The following CUX1 variants were observed in gnomAD, a reference collection of about 807,000 sequenced individuals.
The protein encoded by CUX1 is protein CASP.
CUX1 carries 31 observed loss-of-function variants against 158.8 expected under a neutral mutation model. The ratio of observed to expected loss-of-function variants is 0.20; its 90% confidence interval spans 0.15 to 0.26. The LOEUF (loss-of-function observed/expected upper bound fraction) is 0.26. Ranked by LOEUF, CUX1 falls within the 10% of genes least tolerant of loss-of-function variation. The pLI is 1.00. For synonymous variants in CUX1, 879 were observed against 862.1 expected, an observed-to-expected ratio of 1.02 and a Z score of -0.34; for missense variants, 1,589 against 2,014.6, an observed-to-expected ratio of 0.79 and a Z score of 4.04.
At chr7:101,997,880 C>T (rs79164193) in intron 2 of CUX1, among the ~76,000 whole-genome samples, 5,779 of 151,262 alleles carry the variant, frequency 0.038, 446 homozygotes, top group African/African-American at 0.14. Context: ...TGACCCTGGA[C>T]CCCACCCCAG....
chr7:102,041,869 A>G (rs569878633), intron 3 of CUX1, among the ~76,000 whole-genome samples: 1 of 151,978 alleles, frequency 6.6e-6, no homozygotes, highest in East Asian at 1.9e-4. Context: ...GGATTTTGCC[A>G]TGTTGGCCAG....
At chr7:102,134,553 C>T (rs1266513787) in intron 8 of CUX1, among the ~76,000 whole-genome samples, 3 of 152,100 alleles carry the variant, frequency 2.0e-5, no homozygotes, top group Non-Finnish European at 2.9e-5. Flanking sequence ...GTGTCTTGAC[C>T]GGATCCTCCT....
intron 4 of CUX1, among the ~76,000 whole-genome samples, chr7:102,085,654 A>G (rs781821963): frequency 1.3e-5 from 2 of 152,162 alleles, no homozygotes; most frequent in Non-Finnish European, 2.9e-5. Flanking sequence ...TTTACAAATT[A>G]CCCAGTCTAG....
intron 1 of CUX1, among the ~76,000 whole-genome samples, chr7:101,902,795 T>A (rs976742524): frequency 3.9e-5 from 6 of 152,176 alleles, no homozygotes; most frequent in Non-Finnish European, 7.3e-5. Context: ...TTCATGGGCA[T>A]CTTTTAATTT....
intron 22 of CUX1, among the ~76,000 whole-genome samples, chr7:102,238,138 C>T (rs1799782650): frequency 6.6e-6 from 1 of 152,156 alleles, no homozygotes; most frequent in Non-Finnish European, 1.5e-5. Flanking sequence ...GCAAGCCTGA[C>T]AATGTCAGGC....
At chr7:101,923,578 G>A (rs1243059327) in intron 2 of CUX1, among the ~76,000 whole-genome samples, 1 of 152,226 alleles carries the variant, frequency 6.6e-6, no homozygotes, top group Non-Finnish European at 1.5e-5. Context: ...GCCGAGCTGC[G>A]GCTCAGGGGC....
At chr7:102,279,198 G>A (rs1791863020) in intron 18 of CUX1, among the ~76,000 whole-genome samples, 1 of 151,976 alleles carries the variant, frequency 6.6e-6, no homozygotes, top group African/African-American at 2.4e-5. Context: ...AAAATTGGCT[G>A]GGCGTGGTGT....
At chr7:102,147,963 G>A (rs574641716) in intron 8 of CUX1, among the ~76,000 whole-genome samples, 7 of 152,286 alleles carry the variant, frequency 4.6e-5, no homozygotes, top group Non-Finnish European at 7.4e-5. Context: ...GTGACAGAGC[G>A]AGACTCCGTC....
chr7:101,994,332 G>A (rs1003807061), intron 2 of CUX1, among the ~76,000 whole-genome samples: 3 of 152,244 alleles, frequency 2.0e-5, no homozygotes, highest in Non-Finnish European at 4.4e-5. Context: ...GCCAGGGGCA[G>A]TAGCTCATGC....
At chr7:102,195,452 C>A in intron 13 of CUX1, 55 bp from the exon 14 acceptor site, 1 of 1,456,528 alleles carries the variant, frequency 6.9e-7, no homozygotes, top group East Asian at 2.3e-5. Context: ...CTGGTGGCCC[C>A]GGGAGCGGGT....
At chr7:101,857,027 T>G (rs1796922138) in intron 1 of CUX1, among the ~76,000 whole-genome samples, 1 of 152,168 alleles carries the variant, frequency 6.6e-6, no homozygotes, top group Non-Finnish European at 1.5e-5. Context: ...CAGCTCCGGT[T>G]CCTGTTTCTG....
In CUX1 at chr7:102,201,063, GA is replaced by G. The variant is rs1182970341; in HGVS notation, c.2063-294del. ...AAAAAAAAAAAAAAAAATTCTCGGG[GA>G]AAGGAGCCCCAGGAGGGCAGGTCGG... On this transcript the variant is annotated intron_variant, in intron 17 of 23. Coordinates refer to ENST00000292535, the MANE Select transcript of CUX1 (RefSeq NM_181552.4). This position sits in a 1 kb window ranked among gnomAD's most constrained non-coding sequence, Gnocchi z 5.0. Among the ~76,000 whole-genome samples, 1 of 148,164 alleles carries G rather than the reference GA, an allele frequency of 6.7e-6. No homozygotes were observed. Among genetic ancestry groups the G allele is most frequent in the East Asian group, 1.9e-4 (1 of 5,152 alleles).
chr7:102,170,064 C>T (rs528433963), intron 9 of CUX1, among the ~76,000 whole-genome samples: 5 of 152,236 alleles, frequency 3.3e-5, no homozygotes, highest in South Asian at 4.1e-4. Flanking sequence ...ACTGTTTACC[C>T]GTGAGAATTA....
At chr7:102,020,686 C>T (rs1194420944) in intron 2 of CUX1, among the ~76,000 whole-genome samples, 9 of 152,120 alleles carry the variant, frequency 5.9e-5, no homozygotes, top group African/African-American at 2.2e-4. Flanking sequence ...TCAAGACCAG[C>T]CTGGCCAACA....
intron 18 of CUX1, among the ~76,000 whole-genome samples, chr7:102,279,628 C>T (rs1470278439): frequency 1.3e-5 from 2 of 152,178 alleles, no homozygotes; most frequent in African/African-American, 2.4e-5. Flanking sequence ...AGAGCCGCTC[C>T]TTGGCCACCA....
intron 4 of CUX1, among the ~76,000 whole-genome samples, chr7:102,089,727 G>A (rs1467138799): frequency 4.6e-5 from 7 of 152,170 alleles, no homozygotes; most frequent in African/African-American, 1.2e-4. Flanking sequence ...GCAAAAGATC[G>A]CCTCTCTGCA....
chr7:102,275,955 G>A (rs1791575938), intron 17 of CUX1, among the ~76,000 whole-genome samples: 1 of 150,990 alleles, frequency 6.6e-6, no homozygotes, highest in Non-Finnish European at 1.5e-5. Flanking sequence ...GTTGCAGTGA[G>A]CTGATGAGAT....
intron 11 of CUX1, among the ~76,000 whole-genome samples, chr7:102,184,696 G>T (rs1361499526): frequency 1.3e-5 from 2 of 152,026 alleles, no homozygotes; most frequent in Non-Finnish European, 2.9e-5. Flanking sequence ...CCCCAGGATG[G>T]AGTACAGTGG....
chr7:101,819,715 G>C (rs1331637382), intron 1 of CUX1, among the ~76,000 whole-genome samples: 1 of 152,192 alleles, frequency 6.6e-6, no homozygotes, highest in Non-Finnish European at 1.5e-5. Context: ...GAGGTTGGAT[G>C]TGGGAAGGGG....
Sources: allele counts gnomAD v4.1 joint callset (sites outside exome capture counted in the v4.1 genomes callset), GRCh38; gene constraint gnomAD v4.1.1; non-coding constraint Gnocchi (gnomAD v3.1); transcripts MANE v1.5; gene names NCBI Gene and HGNC (gene_info 2026-07-23, HGNC 2026-07-21).